The following AGO4 variants were observed in gnomAD, a reference collection of about 807,000 sequenced individuals.
AGO4 encodes argonaute RISC component 4.
A neutral mutation model predicts 104.7 loss-of-function variants in AGO4; 33 were observed. That is an observed-to-expected ratio of 0.32 (90% CI 0.24 to 0.42). The LOEUF (loss-of-function observed/expected upper bound fraction) is 0.42. Ranked by LOEUF, AGO4 falls within the 10% of genes least tolerant of loss-of-function variation. The pLI is 1.00. For synonymous variants in AGO4, 331 were observed against 364.7 expected (o/e 0.91, Z 1.05); for missense variants, 711 against 1,083.4 (o/e 0.66, Z 4.83).
At chr1:35,830,616 T>G (rs1644158045) in intron 7 of AGO4, among the ~76,000 whole-genome samples, 1 of 152,220 alleles carries the variant, frequency 6.6e-6, no homozygotes, top group South Asian at 2.1e-4. Flanking sequence ...ATGGAAAATT[T>G]CAATGGAATC....
At chr1:35,821,393 T>C (rs1643883067) in intron 2 of AGO4, among the ~76,000 whole-genome samples, 2 of 152,364 alleles carry the variant, frequency 1.3e-5, no homozygotes, top group South Asian at 4.1e-4. Context: ...TTTTGGCTTT[T>C]AAGATATTGT....
intron 13 of AGO4, among the ~76,000 whole-genome samples, chr1:35,836,594 A>G (rs1644319819): frequency 6.6e-6 from 1 of 152,216 alleles, no homozygotes; most frequent in African/African-American, 2.4e-5. Flanking sequence ...TATTTTTAGT[A>G]GAGACGGGGT....
rs771265165 is a variant in AGO4 at position 35,822,901 on chromosome 1, A to C, written c.225A>C (p.Gln75His). 1.2e-6 allele frequency: 2 copies of C among 1,614,142 alleles called. No individual in the cohort carries two copies. Among genetic ancestry groups the C allele is most frequent in the Admixed American group, 1.7e-5 (1 of 60,012 alleles). ...VDTMVRHFKM[Q>H]IFGDRQPGYD... The stretch of plus-strand genomic sequence containing the variant: ...CAATGGTGCGGCACTTCAAGATGCA[A>C]ATATTTGGTGATCGGCAGCCTGGGT... Residue 75 changes from glutamine (Q) to histidine (H), a missense_variant, in exon 3 of 18, where the codon CAA becomes CAC. Coordinates refer to ENST00000373210, the MANE Select transcript of AGO4 (RefSeq NM_017629.4).
intron 15 of AGO4, among the ~76,000 whole-genome samples, chr1:35,845,554 A>C (rs537562317): frequency 6.6e-6 from 1 of 151,820 alleles, no homozygotes; most frequent in Non-Finnish European, 1.5e-5. Flanking sequence ...TCCATTAAAC[A>C]CTGATATTTC....
At chr1:35,819,100 A>G (rs750909162) in intron 2 of AGO4, among the ~76,000 whole-genome samples, 2 of 152,302 alleles carry the variant, frequency 1.3e-5, no homozygotes, top group South Asian at 2.1e-4. Flanking sequence ...ACTACTGTCA[A>G]TAAGATTTAC....
intron 13 of AGO4, among the ~76,000 whole-genome samples, chr1:35,837,373 C>T (rs953653263): frequency 1.1e-4 from 17 of 151,068 alleles, no homozygotes; most frequent in Non-Finnish European, 2.1e-4. Flanking sequence ...CGTGAGCCAC[C>T]GCGCCTGGCC....
At position 35,841,493 on chromosome 1, in the gene AGO4, T is replaced by C. The variant is rs755291010; in HGVS notation, c.2040+13T>C. 5.3e-5 allele frequency: 86 copies of C among 1,610,720 alleles called. 2 individuals carry two copies. The East Asian group carries it at 1.9e-3, about 36-fold the overall frequency. On this transcript the variant is annotated intron_variant, in intron 14 of 17. Coordinates refer to ENST00000373210, the MANE Select transcript of AGO4 (RefSeq NM_017629.4). This position sits in a 1 kb window ranked among gnomAD's most constrained non-coding sequence, Gnocchi z 4.7. The stretch of plus-strand genomic sequence containing the variant: ...ACAAATGAAACAGGTACTCTCATTA[T>C]CCCTGTTGCCCTTCGGGGCCCCTAG...
intron 1 of AGO4, among the ~76,000 whole-genome samples, chr1:35,811,524 T>C (rs1643506396): frequency 6.6e-6 from 1 of 152,004 alleles, no homozygotes; most frequent in Non-Finnish European, 1.5e-5. Context: ...CTAACTATGA[T>C]TATAACGTTT....
At chr1:35,812,215 A>G (rs1293917916) in intron 1 of AGO4, among the ~76,000 whole-genome samples, 1 of 152,190 alleles carries the variant, frequency 6.6e-6, no homozygotes, top group Non-Finnish European at 1.5e-5. Context: ...AAAAGAAAAA[A>G]AAAATTAACT....
intron 15 of AGO4, among the ~76,000 whole-genome samples, chr1:35,843,793 C>T (rs1644504836): frequency 1.3e-5 from 2 of 152,164 alleles, no homozygotes; most frequent in Admixed American, 1.3e-4. Context: ...AACTTGTTAT[C>T]CATGTAGATT....
intron 12 of AGO4, among the ~76,000 whole-genome samples, chr1:35,835,108 T>A (rs1409954184): frequency 6.8e-6 from 1 of 147,856 alleles, no homozygotes; most frequent in African/African-American, 2.5e-5. Context: ...CCTCTTGGGT[T>A]CAAGTGATTC....
At chr1:35,827,065 G>C (rs1297275165) in intron 7 of AGO4, among the ~76,000 whole-genome samples, 1 of 151,872 alleles carries the variant, frequency 6.6e-6, no homozygotes, top group Non-Finnish European at 1.5e-5. Flanking sequence ...AGCTGGGCGT[G>C]GTGGCGGGTA....
intron 1 of AGO4, among the ~76,000 whole-genome samples, chr1:35,810,501 A>C (rs1191469389): frequency 6.6e-6 from 1 of 152,144 alleles, no homozygotes; most frequent in Non-Finnish European, 1.5e-5. Context: ...AAATATAATT[A>C]ATTAGATTTC....
intron 1 of AGO4, among the ~76,000 whole-genome samples, chr1:35,815,754 G>A (rs1389188425): frequency 2.0e-5 from 3 of 152,154 alleles, no homozygotes; most frequent in African/African-American, 7.2e-5. Flanking sequence ...ATTGTAGAAT[G>A]CGTAGCTGTA....
In AGO4 at chr1:35,808,349, C is replaced by CGGCGGCGGCGGCGGGGCCCGGAGCGGGA; in HGVS notation, c.-63_-36dup. 1.1e-6 allele frequency: 1 copy of CGGCGGCGGCGGCGGGGCCCGGAGCGGGA among 942,874 alleles called. No homozygotes were observed. Among genetic ancestry groups the CGGCGGCGGCGGCGGGGCCCGGAGCGGGA allele is most frequent in the Non-Finnish European group, 1.3e-6 (1 of 786,570 alleles). 58.4% of individuals were successfully genotyped at this position (942,874 alleles called of 1,614,324 possible). ...GAGATCAAGCGTTACGCGGCGGCGG[C>CGGCGGCGGCGGCGGGGCCCGGAGCGGGA]GGCGGCGGCGGCGGGGCCCGGAGCG... On this transcript the variant is annotated 5_prime_UTR_variant, in exon 1 of 18. Transcript: ENST00000373210. The surrounding 1 kb of genome is among the most constrained non-coding windows in gnomAD (Gnocchi z 5.2).
chr1:35,853,565 A>G lies in AGO4; in HGVS notation c.2546A>G (p.Gln849Arg). 2 of 1,614,096 alleles carry G rather than the reference A, an allele frequency of 1.2e-6. No individual in the cohort carries two copies. Among genetic ancestry groups the G allele is most frequent in the Non-Finnish European group, 1.7e-6 (2 of 1,180,000 alleles). The change falls in exon 18 of 18, where the codon CAA becomes CGA. Residue 849 changes from glutamine (Q) to arginine (R), a missense_variant. Physicochemically the swap from Gln to Arg is conservative, Grantham distance 43. Around this residue, in one of 3 missense-constraint regions of AGO4, gnomAD observed 401 missense variants for 665.5 expected, o/e 0.60. Transcript: ENST00000373210. Reference protein sequence around the residue: ...RDPQALAKAVQIHHDTQHTMY... With the variant: ...RDPQALAKAVRIHHDTQHTMY... ...CCTCAGGCCTTGGCTAAGGCTGTGC[A>G]AATCCACCATGATACCCAGCACACG...
At chr1:35,819,442 C>T (rs182441936) in intron 2 of AGO4, among the ~76,000 whole-genome samples, 3 of 149,852 alleles carry the variant, frequency 2.0e-5, no homozygotes, top group African/African-American at 7.6e-5. Flanking sequence ...TTAAAAAAAA[C>T]AAAAGGCCGC....
At chr1:35,813,850 C>T (rs532392918) in intron 1 of AGO4, among the ~76,000 whole-genome samples, 1 of 151,452 alleles carries the variant, frequency 6.6e-6, no homozygotes, top group African/African-American at 2.4e-5. Context: ...GCAAGGTGGG[C>T]GGATCACAAG....
intron 7 of AGO4, among the ~76,000 whole-genome samples, chr1:35,827,086 C>T (rs554651410): frequency 2.0e-5 from 3 of 151,620 alleles, no homozygotes; most frequent in Non-Finnish European, 4.4e-5. Flanking sequence ...CCTGTAACAC[C>T]AGGTACTCGG....
Sources: gnomAD v4.1 joint callset for allele counts (sites outside exome capture counted in the v4.1 genomes callset) on GRCh38, gnomAD v4.1.1 for gene constraint, gnomAD v4.1.1 regional missense constraint, Gnocchi (gnomAD v3.1) non-coding constraint, MANE v1.5 for transcripts, NCBI Gene and HGNC (gene_info 2026-07-23, HGNC 2026-07-21) for gene names.